The following LRFN5 variants were observed in gnomAD, a reference collection of about 807,000 sequenced individuals.
LRFN5 encodes leucine-rich repeat and fibronectin type-III domain-containing protein 5.
A neutral mutation model predicts 45.6 loss-of-function variants in LRFN5; 24 were observed. That is an observed-to-expected ratio of 0.53 (90% CI 0.38 to 0.74). The LOEUF is 0.74. LRFN5 is among the 30% of genes least tolerant of loss of function. The pLI is 0.00. For synonymous variants in LRFN5, 340 were observed against 313.8 expected, an observed-to-expected ratio of 1.08 and a Z score of -0.88; for missense variants, 776 against 861.5, an observed-to-expected ratio of 0.90 and a Z score of 1.24.
intron 1 of LRFN5, among the ~76,000 whole-genome samples, chr14:41,728,052 C>T (rs1007339015): frequency 6.6e-6 from 1 of 152,100 alleles, no homozygotes; most frequent in Non-Finnish European, 1.5e-5. Flanking sequence ...TTTCAGGTTT[C>T]TGCTCATTCA....
chr14:41,677,501 G>C (rs1241875018), intron 1 of LRFN5, among the ~76,000 whole-genome samples: 2 of 152,030 alleles, frequency 1.3e-5, no homozygotes, highest in African/African-American at 4.8e-5. Context: ...AAAATTACAG[G>C]ATGGTATAAT....
chr14:41,818,055 T>A (rs972962398), intron 2 of LRFN5, among the ~76,000 whole-genome samples: 1 of 152,176 alleles, frequency 6.6e-6, no homozygotes, highest in African/African-American at 2.4e-5. Context: ...TATTCACATA[T>A]ACTTTATTTT....
chr14:41,648,502 T>A (rs962551946), intron 1 of LRFN5, among the ~76,000 whole-genome samples: 2 of 152,086 alleles, frequency 1.3e-5, no homozygotes, highest in Non-Finnish European at 2.9e-5. Context: ...CAGTTGCCAA[T>A]TGAAAAATAA....
intron 1 of LRFN5, among the ~76,000 whole-genome samples, chr14:41,608,859 A>G (rs1234064864): frequency 1.3e-5 from 2 of 152,178 alleles, no homozygotes; most frequent in Non-Finnish European, 2.9e-5. Flanking sequence ...CCAGAGATCA[A>G]AATTCTGTGT....
At chr14:41,890,646 T>G (rs547720996) in intron 3 of LRFN5, among the ~76,000 whole-genome samples, 67 of 150,668 alleles carry the variant, frequency 4.4e-4, no homozygotes, top group Non-Finnish European at 2.8e-4. Flanking sequence ...GGCGGAGCTT[T>G]CATTGAGCCG....
At chr14:41,751,204 G>A (rs962993133) in intron 1 of LRFN5, among the ~76,000 whole-genome samples, 4 of 152,090 alleles carry the variant, frequency 2.6e-5, no homozygotes, top group Non-Finnish European at 5.9e-5. Flanking sequence ...TGAGATTTGG[G>A]TGAGAACAGG....
chr14:41,742,436 C>G (rs975059204), intron 1 of LRFN5, among the ~76,000 whole-genome samples: 4 of 151,768 alleles, frequency 2.6e-5, no homozygotes, highest in Non-Finnish European at 4.4e-5. Flanking sequence ...TGAATTCAGC[C>G]AGTCATAGAA....
At chr14:41,763,684 A>G (rs942113271) in intron 1 of LRFN5, among the ~76,000 whole-genome samples, 1 of 152,088 alleles carries the variant, frequency 6.6e-6, no homozygotes, top group Non-Finnish European at 1.5e-5. Context: ...GTTCCCCTGC[A>G]TATGCTCTCT....
At position 41,673,570 on chromosome 14, in the gene LRFN5, G is replaced by T. The variant is rs1421363316; in HGVS notation, c.-197+65008G>T. Among the ~76,000 whole-genome samples the T allele has an allele frequency of 3.4e-5, 5 of 147,370 alleles. No individual in the cohort carries two copies. In the East Asian group the frequency reaches 1.0e-3, roughly 31 times the overall value. ...CGGACGGGGCGGCTGGCCGGGCAGG[G>T]GGTGACCCCCCCCACCTCACTCCCG... On this transcript the variant is annotated intron_variant, in intron 1 of 5. Coordinates refer to ENST00000298119, the MANE Select transcript of LRFN5 (RefSeq NM_152447.5).
chr14:41,678,424 A>G (rs1035932549), intron 1 of LRFN5, among the ~76,000 whole-genome samples: 1 of 152,256 alleles, frequency 6.6e-6, no homozygotes. Flanking sequence ...TTGCAGGGAG[A>G]AATAGACAAT....
chr14:41,683,773 A>G (rs1882004745), intron 1 of LRFN5, among the ~76,000 whole-genome samples: 1 of 152,116 alleles, frequency 6.6e-6, no homozygotes, highest in Non-Finnish European at 1.5e-5. Flanking sequence ...TAAAACTATA[A>G]AACATTGATT....
chr14:41,707,394 T>G (rs941684287), intron 1 of LRFN5, among the ~76,000 whole-genome samples: 5 of 152,202 alleles, frequency 3.3e-5, no homozygotes, highest in Non-Finnish European at 5.9e-5. Context: ...AATATGATAA[T>G]ATCATGTTTC....
At chr14:41,761,558 G>T (rs1192079763) in intron 1 of LRFN5, among the ~76,000 whole-genome samples, 3 of 151,882 alleles carry the variant, frequency 2.0e-5, no homozygotes, top group African/African-American at 4.8e-5. Flanking sequence ...TTTTCCCTAT[G>T]GTCCAAAGAA....
intron 2 of LRFN5, among the ~76,000 whole-genome samples, chr14:41,853,392 A>C (rs889988942): frequency 6.6e-6 from 1 of 151,920 alleles, no homozygotes; most frequent in Non-Finnish European, 1.5e-5. Context: ...GGTCTAGGGA[A>C]CTGACAATGG....
intron 2 of LRFN5, among the ~76,000 whole-genome samples, chr14:41,834,890 T>C (rs1275349711): frequency 6.6e-6 from 1 of 152,038 alleles, no homozygotes; most frequent in Non-Finnish European, 1.5e-5. Flanking sequence ...CTTGCACTTC[T>C]GCGCTCAAGC....
In LRFN5 at chr14:41,822,594, T is replaced by C. The variant is rs77044163; in HGVS notation, c.-21+55565T>C. ...ATGGTCTATTTTGGAAAATGTTCTA[T>C]ATGCTGATGAGAAAAATGTATATTC... On this transcript the variant is annotated intron_variant, in intron 2 of 5. Coordinates refer to ENST00000298119, the MANE Select transcript of LRFN5 (RefSeq NM_152447.5). Among the ~76,000 whole-genome samples the C allele has an allele frequency of 9.8e-4, 149 of 152,200 alleles. 4 individuals carry two copies. In the East Asian group the frequency reaches 0.028, roughly 28 times the overall value.
chr14:41,783,498 C>A (rs1213307414), intron 2 of LRFN5, among the ~76,000 whole-genome samples: 1 of 152,010 alleles, frequency 6.6e-6, no homozygotes, highest in African/African-American at 2.4e-5. Context: ...TGACAGCATC[C>A]AAGTTTTTTT....
intron 1 of LRFN5, among the ~76,000 whole-genome samples, chr14:41,634,320 A>G (rs1321224839): frequency 6.6e-6 from 1 of 152,170 alleles, no homozygotes; most frequent in Non-Finnish European, 1.5e-5. Context: ...TTTGAATAGT[A>G]GCCAAAAATA....
At chr14:41,701,240 A>G (rs138475794) in intron 1 of LRFN5, 5 of 152,308 alleles carry the variant, frequency 3.3e-5, no homozygotes, top group African/African-American at 1.2e-4. Flanking sequence ...GTATTCACTA[A>G]GTATTGATGG....
Sources: gnomAD v4.1 joint callset for allele counts (sites outside exome capture counted in the v4.1 genomes callset) on GRCh38, gnomAD v4.1.1 for gene constraint, MANE v1.5 for transcripts, NCBI Gene and HGNC (gene_info 2026-07-23, HGNC 2026-07-21) for gene names.